The following DIAPH2 variants were observed in gnomAD, a reference collection of about 807,000 sequenced individuals.
DIAPH2 encodes protein diaphanous homolog 2.
DIAPH2 carries 35 observed loss-of-function variants against 92.7 expected under a neutral mutation model. That is an observed-to-expected ratio of 0.38 (90% CI 0.29 to 0.50). The LOEUF (loss-of-function observed/expected upper bound fraction) is 0.50. Among genes scored for constraint, DIAPH2 ranks in the 20% least tolerant of loss-of-function variants. The pLI is 0.94. For synonymous variants in DIAPH2, 301 were observed against 280.4 expected, an observed-to-expected ratio of 1.07 and a Z score of -0.73; for missense variants, 701 against 819.5, an observed-to-expected ratio of 0.86 and a Z score of 1.77.
intron 19 of DIAPH2, among the ~76,000 whole-genome samples, chrX:97,076,452 A>T (rs1244686162): frequency 9.0e-6 from 1 of 111,471 alleles, no homozygotes; most frequent in Non-Finnish European, 1.9e-5. Context: ...GAATCACTTG[A>T]ACCTGGGAGG....
intron 22 of DIAPH2, among the ~76,000 whole-genome samples, chrX:97,241,195 G>A (rs893965616): frequency 2.7e-5 from 3 of 111,839 alleles, no homozygotes; most frequent in Non-Finnish European, 3.8e-5. Flanking sequence ...TAGAATTTTT[G>A]TATTAGATAA....
intron 26 of DIAPH2, among the ~76,000 whole-genome samples, chrX:97,598,775 C>T (rs2071572038): frequency 9.0e-6 from 1 of 111,461 alleles, no homozygotes; most frequent in South Asian, 3.8e-4. Flanking sequence ...AATTTGGTAG[C>T]TAGTGTGATT....
At chrX:96,829,476 A>G (rs963729597) in intron 4 of DIAPH2, among the ~76,000 whole-genome samples, 60 of 107,725 alleles carry the variant, frequency 5.6e-4, no homozygotes, top group African/African-American at 2.0e-3. Context: ...AAGGCAAATG[A>G]TTGTGTGTGT....
chrX:97,239,912 A>C (rs1008522416), intron 22 of DIAPH2, among the ~76,000 whole-genome samples: 9 of 106,859 alleles, frequency 8.4e-5, no homozygotes, highest in Non-Finnish European at 1.3e-4. Context: ...TGCACCCCCT[A>C]CCTGAGAAAT....
intron 17 of DIAPH2, among the ~76,000 whole-genome samples, chrX:97,040,687 T>G (rs183220924): frequency 9.0e-6 from 1 of 110,859 alleles, no homozygotes; most frequent in East Asian, 2.8e-4. Flanking sequence ...GAAGTGTTAG[T>G]AACATTTCTT....
chrX:96,939,331 T>A lies in DIAPH2; in HGVS notation c.1274T>A (p.Phe425Tyr). ...AAGGACACTGCTGCTGAAAATTACT[T>A]CTTATCTATTCTACAACATTTTTTG... ...MLKDTAAENY[F>Y]LSILQHFLLI... Residue 425 changes from phenylalanine (F) to tyrosine (Y), a missense_variant, in exon 12 of 27, where the codon TTC becomes TAC. Physicochemically the swap from Phe to Tyr is conservative, Grantham distance 22. Around this residue, in one of 3 missense-constraint regions of DIAPH2, gnomAD observed 536 missense variants for 599.3 expected, o/e 0.89. Transcript: ENST00000324765. 3 of 1,153,834 alleles carry A rather than the reference T, an allele frequency of 2.6e-6. No individual in the cohort carries two copies. Among genetic ancestry groups the A allele is most frequent in the Non-Finnish European group, 3.5e-6 (3 of 849,848 alleles).
intron 24 of DIAPH2, among the ~76,000 whole-genome samples, chrX:97,351,520 A>G (rs2069212269): frequency 8.9e-6 from 1 of 112,355 alleles, no homozygotes; most frequent in South Asian, 3.7e-4. Context: ...CCTTCATAGA[A>G]AAAGTGACAT....
Position 97,281,115 on chromosome X carries a change from C to A in DIAPH2, c.2844+33276C>A, listed in dbSNP as rs143165802. 9.4e-3 allele frequency among the ~76,000 whole-genome samples: 1,052 copies of A among 111,587 alleles called. 20 individuals are homozygous for A. The highest frequency in any genetic ancestry group is 0.033 in the African/African-American group (1,009 of 30,792). On this transcript the variant is annotated intron_variant, in intron 23 of 26. Coordinates refer to ENST00000324765, the MANE Select transcript of DIAPH2 (RefSeq NM_006729.5). ...ATTTCAAGAGTAAAACTCTTTACGC[C>A]CCTGTAGGATTGTTTTATATTTAAT... is the stretch of plus-strand genomic sequence containing the variant.
At position 96,707,026 on chromosome X, in the gene DIAPH2, C is replaced by T. The variant is rs764435724; in HGVS notation, c.132+21836C>T. Among the ~76,000 whole-genome samples the T allele has an allele frequency of 2.1e-4, 23 of 110,183 alleles. 1 individual carries two copies. The East Asian group carries it at 4.1e-3, about 20-fold the overall frequency. Reference sequence around the variant, plus strand: ...AAGGTTGACACATTGCAGGTGGGCACGGTGACTCAAGCCTGTAATCCCAGC... The same window carrying T: ...AAGGTTGACACATTGCAGGTGGGCATGGTGACTCAAGCCTGTAATCCCAGC... On this transcript the variant is annotated intron_variant, in intron 1 of 26. Transcript: ENST00000324765.
intron 26 of DIAPH2, among the ~76,000 whole-genome samples, chrX:97,524,112 T>G (rs887062123): frequency 3.6e-5 from 4 of 111,753 alleles, no homozygotes; most frequent in Non-Finnish European, 7.5e-5. Context: ...CGTCATGTAT[T>G]TATTTGTTCA....
intron 17 of DIAPH2, among the ~76,000 whole-genome samples, chrX:97,056,263 T>A (rs2066556076): frequency 8.9e-6 from 1 of 111,766 alleles, no homozygotes; most frequent in South Asian, 3.7e-4. Context: ...TTTGATACTC[T>A]TTATTTTGCC....
chrX:97,141,988 A>AT (rs752355823), intron 22 of DIAPH2, among the ~76,000 whole-genome samples, 194 bp downstream of exon 22: 19 of 111,341 alleles, frequency 1.7e-4, no homozygotes, highest in East Asian at 8.4e-4. Context: ...GTCTTACATC[A>AT]TTTTTTTTAC....
intron 25 of DIAPH2, among the ~76,000 whole-genome samples, chrX:97,384,549 C>G (rs1647154321): frequency 9.0e-6 from 1 of 111,634 alleles, no homozygotes; most frequent in African/African-American, 3.3e-5. Context: ...GTACAAGATG[C>G]TGGCATGTCC....
intron 26 of DIAPH2, among the ~76,000 whole-genome samples, chrX:97,487,159 T>G (rs1226607075): frequency 8.9e-6 from 1 of 112,553 alleles, no homozygotes; most frequent in Non-Finnish European, 1.9e-5. Context: ...CTCCATTTAC[T>G]CTATTCATTC....
chrX:96,767,466 T>A (rs531854919), intron 4 of DIAPH2, among the ~76,000 whole-genome samples: 3 of 111,827 alleles, frequency 2.7e-5, no homozygotes, highest in African/African-American at 9.7e-5. Context: ...ATTTGTGATA[T>A]TTTTGAAGTA....
intron 4 of DIAPH2, among the ~76,000 whole-genome samples, chrX:96,778,912 A>T (rs773539996): frequency 3.5e-4 from 39 of 111,638 alleles, no homozygotes; most frequent in African/African-American, 1.2e-3. Context: ...TTGCTCCATT[A>T]TTGATGATGT....
chrX:97,513,859 T>G (rs867378306), intron 26 of DIAPH2, among the ~76,000 whole-genome samples: 4 of 103,337 alleles, frequency 3.9e-5, no homozygotes, highest in East Asian at 6.1e-4. Flanking sequence ...CTGGCTTGTA[T>G]GGTTTCTGCC....
intron 13 of DIAPH2, among the ~76,000 whole-genome samples, chrX:96,943,426 C>T (rs1196701244): frequency 5.4e-5 from 6 of 111,052 alleles, no homozygotes; most frequent in African/African-American, 2.0e-4. Context: ...AAAGCTTGTG[C>T]CAATTTACCC....
At position 96,937,326 on chromosome X, in the gene DIAPH2, C is replaced by A. The variant is rs2065663930; in HGVS notation, c.1183C>A (p.Leu395Ile). 5.3e-6 allele frequency: 6 copies of A among 1,135,268 alleles called. No individual in the cohort carries two copies. Among genetic ancestry groups the A allele is most frequent in the Non-Finnish European group, 7.1e-6 (6 of 844,890 alleles). 93.6% of individuals were successfully genotyped at this position (1,135,268 alleles called of 1,213,427 possible). ...TGACCTAACTGAATTATCACACCGT[C>A]TCAATGACATTCGAGCAGAAATGGA... is the stretch of plus-strand genomic sequence containing the variant. Reference protein sequence around the residue: ...EDDLTELSHRLNDIRAEMDDM... With the variant: ...EDDLTELSHRINDIRAEMDDM... Residue 395 changes from leucine to isoleucine, a missense_variant, in exon 11 of 27, where the codon CTC (leucine) becomes ATC (isoleucine). Leu to Ile is a conservative substitution (Grantham distance 5). Transcript: ENST00000324765.
Sources: gnomAD v4.1 joint callset for allele counts (sites outside exome capture counted in the v4.1 genomes callset) on GRCh38, gnomAD v4.1.1 for gene constraint, gnomAD v4.1.1 regional missense constraint, MANE v1.5 for transcripts, NCBI Gene and HGNC (gene_info 2026-07-23, HGNC 2026-07-21) for gene names.